PRPS2: variants seen among roughly 807,000 people sequenced by gnomAD.
The protein encoded by PRPS2 is ribose-phosphate pyrophosphokinase 2.
For missense variants in PRPS2, 104 were observed against 271.5 expected, an observed-to-expected ratio of 0.38 and a Z score of 4.34; for synonymous variants, 111 against 115.3, an observed-to-expected ratio of 0.96 and a Z score of 0.24.
intron 2 of PRPS2, among the ~76,000 whole-genome samples, chrX:12,802,190 G>A (rs1602410546): frequency 8.9e-6 from 1 of 111,748 alleles, no homozygotes; most frequent in East Asian, 2.8e-4. Context: ...GGAGAAACTA[G>A]CACTGTTTTT....
chrX:12,797,492 C>T (rs1320491851), intron 1 of PRPS2, among the ~76,000 whole-genome samples: 1 of 111,701 alleles, frequency 9.0e-6, no homozygotes, highest in Non-Finnish European at 1.9e-5. Flanking sequence ...GGCTCATTGT[C>T]CTCGAGGTGT....
At chrX:12,814,062 C>T (rs772288439) in intron 4 of PRPS2, among the ~76,000 whole-genome samples, 15 of 45,921 alleles carry the variant, frequency 3.3e-4, no homozygotes, top group African/African-American at 1.3e-3. Context: ...AGAATCCAGC[C>T]CCCCCACCCC....
At chrX:12,821,365 A>G (rs1181243368) in intron 6 of PRPS2, among the ~76,000 whole-genome samples, 2 of 108,921 alleles carry the variant, frequency 1.8e-5, no homozygotes, top group Non-Finnish European at 3.8e-5. Flanking sequence ...CAAAAGGAGG[A>G]ATATTGTGTT....
intron 2 of PRPS2, among the ~76,000 whole-genome samples, chrX:12,806,140 G>A (rs989302252): frequency 4.5e-5 from 5 of 111,187 alleles, no homozygotes; most frequent in African/African-American, 9.8e-5. Context: ...CTTCTGAGGC[G>A]GGTAAAGGAC....
rs764424051 is a variant in PRPS2, at chrX:12,820,788, C to T, written c.849C>T (p.His283=). The change falls in exon 6 of 7, where the codon CAC becomes CAT. Residue 283 remains histidine, a synonymous_variant. Transcript: ENST00000380668. ...NTIPQEDKMK[H]CTKIQVIDIS... is the part of the protein sequence containing the mutation. ...TTCCGCAAGAGGACAAAATGAAACA[C>T]TGCACCAAGATTCAGGTACTGTCTA... 5 of 1,211,064 alleles carry T rather than the reference C, an allele frequency of 4.1e-6. No individual in the cohort carries two copies. In the South Asian group the frequency reaches 7.0e-5, roughly 17 times the overall value.
intron 1 of PRPS2, among the ~76,000 whole-genome samples, chrX:12,791,834 G>A (rs1569092864): frequency 8.9e-6 from 1 of 112,020 alleles, no homozygotes; most frequent in Admixed American, 9.3e-5. Context: ...CCTCGGCTGT[G>A]CCCCCGGTTG....
chrX:12,798,424 A>G (rs963422735), intron 1 of PRPS2, among the ~76,000 whole-genome samples: 4 of 111,796 alleles, frequency 3.6e-5, no homozygotes, highest in Non-Finnish European at 7.5e-5. Flanking sequence ...AAGTCAATAC[A>G]CTTTGCCTAA....
intron 4 of PRPS2, among the ~76,000 whole-genome samples, chrX:12,813,827 T>C (rs970951894): frequency 9.8e-5 from 11 of 111,823 alleles, no homozygotes; most frequent in African/African-American, 3.6e-4. Context: ...TTCTCCAAGT[T>C]TTTTCATTTC....
chrX:12,820,551 G>A (rs755723853), intron 5 of PRPS2, 93 bp from the exon 6 acceptor site: 10 of 941,780 alleles, frequency 1.1e-5, no homozygotes, highest in Non-Finnish European at 1.4e-5. Context: ...TTTCTTTTAC[G>A]GAGCACACTT....
At position 12,823,778 on chromosome X, in the gene PRPS2, A is replaced by T. The variant is rs1226523810; in HGVS notation, c.*982A>T. The T allele has an allele frequency of 8.9e-6, 1 of 112,369 alleles. No homozygotes were observed. The highest frequency in any genetic ancestry group is 1.9e-5 in the Non-Finnish European group (1 of 53,278). The allele number at this position is 112,369 out of a possible 1,213,427, so 9.3% of individuals were successfully genotyped here. A position where few individuals can be genotyped will look rare whatever the true frequency, so the allele number is the denominator to read the frequency against. ...CAGAATACATTTATGAACCAATGCG[A>T]CTGGACTTAGCCACACACAATGGAA... is the stretch of plus-strand genomic sequence containing the variant. On this transcript the variant is annotated 3_prime_UTR_variant, in exon 7 of 7. Transcript: ENST00000380668.
intron 2 of PRPS2, among the ~76,000 whole-genome samples, chrX:12,807,384 A>C (rs753024105): frequency 1.8e-5 from 2 of 112,506 alleles, no homozygotes; most frequent in Non-Finnish European, 3.8e-5. Flanking sequence ...TTTGGAGGTG[A>C]CCTTTCAACC....
At chrX:12,809,964 AC>A in intron 3 of PRPS2, 57 bp from the exon 4 acceptor site, 2 of 1,081,614 alleles carry the variant, frequency 1.8e-6, no homozygotes, top group Non-Finnish European at 2.4e-6. Flanking sequence ...GTTTAAAAAA[AC>A]AAAAGAAAAC....
intron 4 of PRPS2, 74 bp from the exon 5 acceptor site, chrX:12,819,433 C>T: frequency 1.8e-6 from 2 of 1,107,052 alleles, no homozygotes; most frequent in Non-Finnish European, 2.4e-6. Flanking sequence ...TTGCCTGCTA[C>T]ATTCCCAAAA....
At chrX:12,814,858 A>G (rs2042639799) in intron 4 of PRPS2, among the ~76,000 whole-genome samples, 1 of 112,473 alleles carries the variant, frequency 8.9e-6, no homozygotes, top group Non-Finnish European at 1.9e-5. Flanking sequence ...TTAACACTTT[A>G]TATCTCAACC....
At chrX:12,819,808 G>A (rs1421981187) in intron 5 of PRPS2, 128 bp downstream of exon 5, 1 of 816,409 alleles carries the variant, frequency 1.2e-6, no homozygotes, top group African/African-American at 2.1e-5. Context: ...GACCAAAGGA[G>A]ATTCTAGGCC....
chrX:12,814,560 T>G (rs1309320063), intron 4 of PRPS2, among the ~76,000 whole-genome samples: 2 of 112,304 alleles, frequency 1.8e-5, no homozygotes, highest in Non-Finnish European at 3.8e-5. Context: ...TCTGACCAAT[T>G]GGAGCTTGTT....
chrX:12,791,755 C>A, intron 1 of PRPS2, 136 bp downstream of exon 1: 1 of 626,181 alleles, frequency 1.6e-6, no homozygotes, highest in Non-Finnish European at 1.9e-6. Flanking sequence ...GGTGGCAACG[C>A]GGCCTCCGCG....
chrX:12,813,907 T>C (rs1000911848), intron 4 of PRPS2, among the ~76,000 whole-genome samples: 1 of 111,872 alleles, frequency 8.9e-6, no homozygotes, highest in Admixed American at 9.5e-5. Context: ...GTTTATTTTT[T>C]CTTCACATTA....
intron 4 of PRPS2, among the ~76,000 whole-genome samples, chrX:12,814,202 T>TA (rs2042637454): frequency 9.0e-6 from 1 of 111,249 alleles, no homozygotes; most frequent in South Asian, 3.8e-4. Flanking sequence ...CTCCTACTTT[T>TA]AAAAAAATGC....
Sources: gnomAD v4.1 joint callset for allele counts (sites outside exome capture counted in the v4.1 genomes callset) on GRCh38, gnomAD v4.1.1 for gene constraint, MANE v1.5 for transcripts, NCBI Gene and HGNC (gene_info 2026-07-23, HGNC 2026-07-21) for gene names.